NKAIN2: variants seen among roughly 807,000 people sequenced by gnomAD.
NKAIN2 encodes the protein sodium/potassium transporting ATPase interacting 2.
NKAIN2 carries 14 observed loss-of-function variants against 32.6 expected under a neutral mutation model. That is an observed-to-expected ratio of 0.43 (90% CI 0.28 to 0.67). NKAIN2 has a LOEUF of 0.67. NKAIN2 is among the 30% of genes least tolerant of loss of function. The probability of loss-of-function intolerance (pLI) is 0.17; values close to 1 mark genes in which losing one functional copy is unlikely to be tolerated. For missense variants in NKAIN2, 198 were observed against 258.3 expected, an observed-to-expected ratio of 0.77 and a Z score of 1.60; for synonymous variants, 80 against 87.2, an observed-to-expected ratio of 0.92 and a Z score of 0.46.
At chr6:124,547,616 G>A (rs1448915802) in intron 3 of NKAIN2, among the ~76,000 whole-genome samples, 3 of 152,212 alleles carry the variant, frequency 2.0e-5, no homozygotes, top group Admixed American at 6.5e-5. Context: ...CACAGAGGCA[G>A]TGTTTTAAAA....
intron 3 of NKAIN2, among the ~76,000 whole-genome samples, chr6:124,407,905 G>A (rs1306283805): frequency 5.4e-5 from 8 of 148,984 alleles, no homozygotes; most frequent in South Asian, 2.1e-4. Flanking sequence ...GTGTGAGATG[G>A]TATCTCATTG....
chr6:123,968,933 C>T (rs1213451080), intron 1 of NKAIN2, among the ~76,000 whole-genome samples: 3 of 152,112 alleles, frequency 2.0e-5, no homozygotes, highest in Admixed American at 6.5e-5. Context: ...GCCTGGACCC[C>T]CTCCTCTGGG....
In NKAIN2 at chr6:124,748,821, A is replaced by G. The variant is rs573579069; in HGVS notation, c.475-42518A>G. Reference sequence around the variant, plus strand: ...TAGAACCAGTTGAGAACCATTTGCTACTTTCCCCAGCTCTGATATTAACTT... The same window carrying G: ...TAGAACCAGTTGAGAACCATTTGCTGCTTTCCCCAGCTCTGATATTAACTT... On this transcript the variant is annotated intron_variant, in intron 4 of 6. Transcript: ENST00000368417. Among the ~76,000 whole-genome samples, 9 of 147,876 alleles carry G rather than the reference A, an allele frequency of 6.1e-5. No individual in the cohort carries two copies. In the East Asian group the frequency reaches 1.6e-3, roughly 27 times the overall value.
chr6:124,407,290 A>T (rs1295039752), intron 3 of NKAIN2, among the ~76,000 whole-genome samples: 1 of 151,664 alleles, frequency 6.6e-6, no homozygotes, highest in Admixed American at 6.6e-5. Flanking sequence ...GGTGTGCTGC[A>T]CCCATTAACT....
rs150241717 is a variant in NKAIN2, at chr6:124,509,657, G to A, written c.274-148529G>A. On this transcript the variant is annotated intron_variant, in intron 3 of 6. Coordinates refer to ENST00000368417, the MANE Select transcript of NKAIN2 (RefSeq NM_001040214.3). Reference sequence around the variant, plus strand: ...CCACCCAGTAATTTGTGAGCAAGAAGCCAAGGTGTTTGATTAAAGTAATTA... The same window carrying A: ...CCACCCAGTAATTTGTGAGCAAGAAACCAAGGTGTTTGATTAAAGTAATTA... 6.9e-3 allele frequency among the ~76,000 whole-genome samples: 1,054 copies of A among 152,322 alleles called. 9 individuals carry two copies. Among genetic ancestry groups the A allele is most frequent in the Non-Finnish European group, 8.1e-3 (553 of 68,032 alleles).
chr6:123,910,751 G>A (rs1228596372), intron 1 of NKAIN2, among the ~76,000 whole-genome samples: 4 of 151,636 alleles, frequency 2.6e-5, no homozygotes, highest in Admixed American at 1.3e-4. Flanking sequence ...TGATCTGCCC[G>A]CCTTAGCCTC....
At chr6:124,523,281 C>T (rs1239301722) in intron 3 of NKAIN2, among the ~76,000 whole-genome samples, 1 of 152,004 alleles carries the variant, frequency 6.6e-6, no homozygotes, top group Non-Finnish European at 1.5e-5. Context: ...TTACCTGCCT[C>T]ATCAAAATGA....
intron 1 of NKAIN2, among the ~76,000 whole-genome samples, chr6:124,162,107 T>G (rs191403049): frequency 6.6e-6 from 1 of 152,270 alleles, no homozygotes; most frequent in Admixed American, 6.5e-5. Context: ...ATGTTAAATC[T>G]AGTTGTATCA....
chr6:124,727,919 TA>T (rs1776420827), intron 4 of NKAIN2, among the ~76,000 whole-genome samples: 1 of 147,222 alleles, frequency 6.8e-6, no homozygotes, highest in Non-Finnish European at 1.5e-5. Context: ...TAGTCTCTGA[TA>T]AAACAGACTT....
intron 2 of NKAIN2, among the ~76,000 whole-genome samples, chr6:124,315,775 T>C (rs1796924361): frequency 6.6e-6 from 1 of 152,150 alleles, no homozygotes; most frequent in Non-Finnish European, 1.5e-5. Context: ...CCTTTTTATA[T>C]TGATATTATA....
At chr6:124,443,018 T>C (rs1432813350) in intron 3 of NKAIN2, among the ~76,000 whole-genome samples, 2 of 152,108 alleles carry the variant, frequency 1.3e-5, no homozygotes, top group East Asian at 3.9e-4. Context: ...AGTATGGAAC[T>C]TGCTATGCTC....
chr6:124,358,421 A>G (rs561732689), intron 3 of NKAIN2, among the ~76,000 whole-genome samples: 2,264 of 152,090 alleles, frequency 0.015, 31 homozygotes, highest in Non-Finnish European at 0.023. Context: ...ATATCTCCAC[A>G]TCCTCTCCAG....
chr6:124,327,315 A>AT (rs1347640530), intron 2 of NKAIN2, among the ~76,000 whole-genome samples: 1 of 151,738 alleles, frequency 6.6e-6, no homozygotes, highest in Non-Finnish European at 1.5e-5. Context: ...TATATCTTCT[A>AT]TTTTTTCTTT....
At chr6:124,807,519 T>G (rs1780636065) in intron 5 of NKAIN2, among the ~76,000 whole-genome samples, 1 of 149,964 alleles carries the variant, frequency 6.7e-6, no homozygotes. Context: ...TAGCACTAAA[T>G]GCCCACAAGA....
intron 1 of NKAIN2, among the ~76,000 whole-genome samples, chr6:124,021,363 TTAAC>T (rs1409068198): frequency 2.6e-5 from 4 of 152,078 alleles, no homozygotes. Context: ...TTCTCTTATA[TTAAC>T]TAGTATGTTA....
In NKAIN2 at chr6:124,367,186, C is replaced by G. The variant is rs776444933; in HGVS notation, c.273+11839C>G. On this transcript the variant is annotated intron_variant, in intron 3 of 6. Transcript: ENST00000368417. The stretch of plus-strand genomic sequence containing the variant: ...TGTTTATAAATAAGCCCATTTGATA[C>G]ATCATAAAACAAATGCAATAAGTTG... 2.2e-4 allele frequency among the ~76,000 whole-genome samples: 33 copies of G among 152,228 alleles called. 1 individual carries two copies. The highest frequency in any genetic ancestry group is 6.2e-4 in the South Asian group (3 of 4,812).
chr6:124,332,353 T>G (rs982747477), intron 2 of NKAIN2, among the ~76,000 whole-genome samples: 14 of 152,138 alleles, frequency 9.2e-5, no homozygotes, highest in African/African-American at 3.4e-4. Flanking sequence ...TTACTTGGCC[T>G]TCTTTCATCT....
At chr6:124,693,142 T>A (rs1200241669) in intron 4 of NKAIN2, among the ~76,000 whole-genome samples, 1 of 152,342 alleles carries the variant, frequency 6.6e-6, no homozygotes, top group Non-Finnish European at 1.5e-5. Flanking sequence ...GGAGTACATT[T>A]ATGAGCCACA....
At chr6:124,357,149 A>ATATTT (rs1799022102) in intron 3 of NKAIN2, among the ~76,000 whole-genome samples, 1 of 152,120 alleles carries the variant, frequency 6.6e-6, no homozygotes, top group Non-Finnish European at 1.5e-5. Context: ...ACAGTTGATA[A>ATATTT]TATTTTATTT....
Sources: allele counts gnomAD v4.1 joint callset (sites outside exome capture counted in the v4.1 genomes callset), GRCh38; gene constraint gnomAD v4.1.1; transcripts MANE v1.5; gene names NCBI Gene and HGNC (gene_info 2026-07-23, HGNC 2026-07-21).